Variants in FRYL observed in about 807,000 individuals in gnomAD.
FRYL encodes the protein FRY like transcription coactivator, also known as protein furry homolog-like.
In FRYL, 150 loss-of-function variants were observed where a neutral mutation model predicts 351.2. That is an observed-to-expected ratio of 0.43 (90% CI 0.37 to 0.49). The LOEUF (loss-of-function observed/expected upper bound fraction) is 0.49. Ranked by LOEUF, FRYL falls within the 20% of genes least tolerant of loss-of-function variation. The pLI is 0.00. For synonymous variants in FRYL, 1,153 were observed against 1,257.1 expected, an observed-to-expected ratio of 0.92 and a Z score of 1.75; for missense variants, 3,036 against 3,619.3, an observed-to-expected ratio of 0.84 and a Z score of 4.13.
intron 56 of FRYL, among the ~76,000 whole-genome samples, chr4:48,513,052 GATA>G (rs1413165034): frequency 6.6e-6 from 1 of 152,094 alleles, no homozygotes; most frequent in African/African-American, 2.4e-5. Context: ...TCACATTGGT[GATA>G]ATAATATTCT....
chr4:48,630,868 C>A (rs1039408312), intron 4 of FRYL, among the ~76,000 whole-genome samples: 1 of 152,146 alleles, frequency 6.6e-6, no homozygotes, highest in Non-Finnish European at 1.5e-5. Flanking sequence ...CAAGGCCAGC[C>A]TCCTTGTATC....
In FRYL at chr4:48,590,829, C is replaced by A; in HGVS notation, c.1337G>T (p.Arg446Ile). Residue 446 changes from arginine to isoleucine, a missense_variant and splice_region_variant, in exon 17 of 64, where the codon AGA becomes ATA. Physicochemically the swap from Arg to Ile is moderately conservative, Grantham distance 97 (BLOSUM62 -3). Transcript: ENST00000358350. ...STKTFTINPE[R>I]MNIGLRVFLV... ...GAAGACTCTGAGACCTATGTTCATTCTCTTCAAAGGAAAAAAATGCAAAAG... is the reference window on the plus strand; with the variant it reads ...GAAGACTCTGAGACCTATGTTCATTATCTTCAAAGGAAAAAAATGCAAAAG... 6.3e-7 allele frequency: 1 copy of A among 1,598,770 alleles called. No individual in the cohort carries two copies. Among genetic ancestry groups the A allele is most frequent in the Admixed American group, 1.8e-5 (1 of 56,148 alleles).
At chr4:48,596,042 C>A (rs1226877862) in intron 13 of FRYL, 42 bp from the exon 14 acceptor site, 16 of 1,270,882 alleles carry the variant, frequency 1.3e-5, no homozygotes, top group Non-Finnish European at 1.8e-5. Flanking sequence ...ATAATACTTG[C>A]AATCACTTAA....
intron 56 of FRYL, among the ~76,000 whole-genome samples, chr4:48,513,137 T>C (rs1208322518): frequency 6.6e-6 from 1 of 152,196 alleles, no homozygotes; most frequent in African/African-American, 2.4e-5. Flanking sequence ...TCATTCAGTC[T>C]TCACAACTAT....
intron 55 of FRYL, among the ~76,000 whole-genome samples, chr4:48,520,098 G>C (rs74564801): frequency 0.059 from 8,957 of 152,194 alleles, 362 homozygotes; most frequent in Non-Finnish European, 0.09. Flanking sequence ...TCTGAAAACA[G>C]GGCCATCCAT....
At chr4:48,736,368 A>T (rs951515893) in intron 1 of FRYL, among the ~76,000 whole-genome samples, 5 of 152,278 alleles carry the variant, frequency 3.3e-5, no homozygotes, top group African/African-American at 1.2e-4. Context: ...TTAGAGTGGA[A>T]ATCAACAAAA....
intron 1 of FRYL, among the ~76,000 whole-genome samples, chr4:48,729,074 G>A (rs761328260): frequency 1.3e-5 from 2 of 152,246 alleles, no homozygotes; most frequent in African/African-American, 2.4e-5. Context: ...ATCCCCTCCC[G>A]TGCCTGGCTC....
At chr4:48,585,784 T>C (rs1255013528) in intron 19 of FRYL, among the ~76,000 whole-genome samples, 3 of 152,264 alleles carry the variant, frequency 2.0e-5, no homozygotes, top group Non-Finnish European at 2.9e-5. Flanking sequence ...ATCAGTGCAA[T>C]GAGGATATCT....
chr4:48,730,730 A>C (rs1235457391), intron 1 of FRYL, among the ~76,000 whole-genome samples: 1 of 152,156 alleles, frequency 6.6e-6, no homozygotes, highest in Admixed American at 6.5e-5. Flanking sequence ...TCCTGAAGGA[A>C]TCACTAAACA....
Position 48,579,084 on chromosome 4 carries a change from G to T in FRYL, c.2417C>A (p.Ser806Tyr). ...QGQDPWIISL[S>Y]SFLKQENLPK... ...AAGATTTTCTTGCTTTAAAAAACTG[G>T]AGAGACTTATAATCCATGGGTCTTG... is the stretch of plus-strand genomic sequence containing the variant. Residue 806 changes from serine to tyrosine, a missense_variant, in exon 23 of 64, where the codon TCC becomes TAC. Physicochemically the swap from Ser to Tyr is moderately radical, Grantham distance 144. This residue lies in a region of FRYL where 492 missense variants were observed against 551.5 expected (regional missense o/e 0.89). Transcript: ENST00000358350. 1 of 1,614,016 alleles carries T rather than the reference G, an allele frequency of 6.2e-7. No individual in the cohort carries two copies. Among genetic ancestry groups the T allele is most frequent in the Non-Finnish European group, 8.5e-7 (1 of 1,179,942 alleles).
intron 4 of FRYL, among the ~76,000 whole-genome samples, chr4:48,628,657 T>C (rs528060749): frequency 6.6e-6 from 1 of 152,180 alleles, no homozygotes; most frequent in East Asian, 1.9e-4. Context: ...TAGTTTCAAA[T>C]AGCCATAATA....
Position 48,547,679 on chromosome 4 carries a change from C to T in FRYL, c.4979G>A (p.Arg1660Gln), listed in dbSNP as rs771423782. The change falls in exon 41 of 64, where the codon CGA becomes CAA. Residue 1660 changes from arginine (R) to glutamine (Q), a missense_variant. Arg to Gln is a conservative substitution (Grantham distance 43). This residue lies in a region of FRYL where 1,987 missense variants were observed against 2,311.7 expected (regional missense o/e 0.86). Coordinates refer to ENST00000358350, the MANE Select transcript of FRYL (RefSeq NM_015030.2). ...CCTGAGAAGGACAGAAGCAACAGTTCGGATGTTACTATTGGGTCCCATTAC... is the reference window on the plus strand; with the variant it reads ...CCTGAGAAGGACAGAAGCAACAGTTTGGATGTTACTATTGGGTCCCATTAC... ...LIVMGPNSNI[R>Q]TVASVLLRNK... 2.4e-5 allele frequency: 39 copies of T among 1,607,452 alleles called. No individual in the cohort carries two copies. The highest frequency in any genetic ancestry group is 1.6e-4 in the Middle Eastern group (1 of 6,068).
chr4:48,518,410 G>C (rs1486118562), intron 55 of FRYL, among the ~76,000 whole-genome samples: 1 of 152,160 alleles, frequency 6.6e-6, no homozygotes, highest in Non-Finnish European at 1.5e-5. Context: ...CTCTGCCTTA[G>C]AGACTTCACT....
chr4:48,528,475 T>C, intron 50 of FRYL, 139 bp from the exon 51 acceptor site: 1 of 496,318 alleles, frequency 2.0e-6, no homozygotes, highest in Non-Finnish European at 3.4e-6. Flanking sequence ...ATGAGGCAGA[T>C]GTTAACAAAG....
chr4:48,656,343 A>AT (rs1352807527), intron 3 of FRYL, among the ~76,000 whole-genome samples: 6 of 134,534 alleles, frequency 4.5e-5, no homozygotes, highest in African/African-American at 1.6e-4. Context: ...TATATTATAT[A>AT]ATATATACTA....
intron 36 of FRYL, 97 bp downstream of exon 36, chr4:48,553,116 CAT>C (rs1578084185): frequency 6.4e-6 from 5 of 786,584 alleles, no homozygotes; most frequent in Non-Finnish European, 4.0e-6. Context: ...AGATTCATAA[CAT>C]GTTATGGGAC....
rs796409650 is a variant in FRYL at position 48,728,346 on chromosome 4, GA to G, written c.-383-17649del. On this transcript the variant is annotated intron_variant, in intron 1 of 63. Coordinates refer to ENST00000358350, the MANE Select transcript of FRYL (RefSeq NM_015030.2). ...AAAGCAAAGAGTAAAAAGAGTGGGG[GA>G]AAAAAAAACAGAGGACGAAACACAA... Among the ~76,000 whole-genome samples, 101 of 148,998 alleles carry G rather than the reference GA, an allele frequency of 6.8e-4. 1 individual carries two copies. Among genetic ancestry groups the G allele is most frequent in the East Asian group, 2.5e-3 (13 of 5,112 alleles).
At chr4:48,737,097 T>C (rs1163251930) in intron 1 of FRYL, among the ~76,000 whole-genome samples, 3 of 151,448 alleles carry the variant, frequency 2.0e-5, no homozygotes, top group Admixed American at 6.6e-5. Flanking sequence ...CTGGCCAACA[T>C]GGCGAAACCC....
intron 2 of FRYL, among the ~76,000 whole-genome samples, chr4:48,694,512 G>C (rs900341218): frequency 6.6e-6 from 1 of 151,998 alleles, no homozygotes; most frequent in Non-Finnish European, 1.5e-5. Flanking sequence ...GCCCAGGCTG[G>C]TCTTGAACTC....
Sources: gnomAD v4.1 joint callset for allele counts (sites outside exome capture counted in the v4.1 genomes callset) on GRCh38, gnomAD v4.1.1 for gene constraint, gnomAD v4.1.1 regional missense constraint, MANE v1.5 for transcripts, NCBI Gene and HGNC (gene_info 2026-07-23, HGNC 2026-07-21) for gene names.